The following RERE variants were observed in gnomAD, a reference collection of about 807,000 sequenced individuals.
RERE encodes arginine-glutamic acid dipeptide repeats, also known as arginine-glutamic acid dipeptide repeats protein.
A neutral mutation model predicts 146.1 loss-of-function variants in RERE; 40 were observed. The observed-to-expected ratio is 0.27, with a 90% confidence interval of 0.21 to 0.36. The LOEUF (loss-of-function observed/expected upper bound fraction) is 0.36. RERE is among the 10% of genes least tolerant of loss of function. The pLI is 1.00. For synonymous variants in RERE, 1,003 were observed against 866.0 expected (o/e 1.16, Z -2.78); for missense variants, 1,933 against 2,138.7 (o/e 0.90, Z 1.90).
At chr1:8,803,350 G>T (rs1641623839) in intron 1 of RERE, among the ~76,000 whole-genome samples, 1 of 151,836 alleles carries the variant, frequency 6.6e-6, no homozygotes, top group African/African-American at 2.4e-5. Flanking sequence ...TGCCTGTAAG[G>T]TCCCAGCTAC....
chr1:8,657,826 A>G (rs142147804), intron 1 of RERE, among the ~76,000 whole-genome samples: 2,314 of 152,310 alleles, frequency 0.015, 61 homozygotes, highest in African/African-American at 0.053. Context: ...CAGTCTGGGC[A>G]AAAGACTCCA....
chr1:8,646,176 C>G (rs1014789012), intron 2 of RERE, among the ~76,000 whole-genome samples: 2 of 151,844 alleles, frequency 1.3e-5, no homozygotes, highest in Non-Finnish European at 2.9e-5. Flanking sequence ...ATGAGTTTGT[C>G]CTTCCCAAAA....
At chr1:8,806,415 C>T (rs1178096926) in intron 1 of RERE, among the ~76,000 whole-genome samples, 4 of 151,960 alleles carry the variant, frequency 2.6e-5, no homozygotes, top group Non-Finnish European at 5.9e-5. Flanking sequence ...CCTGTAACCC[C>T]AGCTCCTTGG....
At chr1:8,385,519 G>C (rs1024333155) in intron 12 of RERE, among the ~76,000 whole-genome samples, 1 of 152,040 alleles carries the variant, frequency 6.6e-6, no homozygotes, top group Non-Finnish European at 1.5e-5. Flanking sequence ...TTAACACAAA[G>C]GAAATACAGG....
chr1:8,376,605 A>T (rs935312397), intron 12 of RERE, among the ~76,000 whole-genome samples: 1 of 152,234 alleles, frequency 6.6e-6, no homozygotes, highest in Admixed American at 6.5e-5. Context: ...CTTCTGATAC[A>T]GGAGAAGCCC....
intron 7 of RERE, 54 bp from the exon 8 acceptor site, chr1:8,508,729 A>G (rs978803567): frequency 1.9e-5 from 26 of 1,398,464 alleles, no homozygotes; most frequent in Non-Finnish European, 2.3e-5. Context: ...TGACATAAAC[A>G]TTCACACATT....
intron 1 of RERE, among the ~76,000 whole-genome samples, chr1:8,703,826 A>T (rs1639510120): frequency 6.6e-6 from 1 of 152,198 alleles, no homozygotes; most frequent in Non-Finnish European, 1.5e-5. Context: ...GACAAGCTAA[A>T]CATTTATTTC....
At chr1:8,559,304 A>AAAAAAAAAAAAAAAAAAAAAAAAC (rs754733974) in intron 4 of RERE, among the ~76,000 whole-genome samples, 1 of 130,098 alleles carries the variant, frequency 7.7e-6, no homozygotes, top group East Asian at 2.4e-4. Flanking sequence ...AAAAAAAAAA[A>AAAAAAAAAAAAAAAAAAAAAAAAC]CAGAACAAAA....
intron 1 of RERE, among the ~76,000 whole-genome samples, chr1:8,681,961 A>C (rs1207648806): frequency 1.3e-5 from 2 of 151,980 alleles, no homozygotes; most frequent in Non-Finnish European, 2.9e-5. Context: ...AGTACAATAA[A>C]CTCCACACCA....
intron 3 of RERE, among the ~76,000 whole-genome samples, chr1:8,616,989 TGGC>T (rs1646859990): frequency 6.6e-6 from 1 of 152,212 alleles, no homozygotes; most frequent in African/African-American, 2.4e-5. Context: ...TCCATAATTG[TGGC>T]GGGAGGGGAG....
At chr1:8,603,055 G>A (rs1001991809) in intron 4 of RERE, among the ~76,000 whole-genome samples, 2 of 152,228 alleles carry the variant, frequency 1.3e-5, no homozygotes, top group Non-Finnish European at 2.9e-5. Context: ...AGGCAGAAGC[G>A]AGAGATGACT....
intron 4 of RERE, among the ~76,000 whole-genome samples, chr1:8,561,333 T>C (rs1165677595): frequency 6.6e-6 from 1 of 152,124 alleles, no homozygotes; most frequent in African/African-American, 2.4e-5. Context: ...TTGAAACAAA[T>C]TTAAGTAGCT....
intron 10 of RERE, among the ~76,000 whole-genome samples, chr1:8,484,104 GA>G (rs1255547817): frequency 6.6e-6 from 1 of 152,170 alleles, no homozygotes; most frequent in African/African-American, 2.4e-5. Context: ...ATATATTCTA[GA>G]AAACCTTAGT....
rs567550570 is a variant in RERE, at chr1:8,356,089, G to A, written c.4486+11C>T. The A allele has an allele frequency of 2.0e-6, 3 of 1,490,134 alleles. No homozygotes were observed. The highest frequency in any genetic ancestry group is 2.7e-5 in the East Asian group (1 of 37,034). 92.3% of individuals were successfully genotyped at this position (1,490,134 alleles called of 1,614,324 possible). On this transcript the variant is annotated intron_variant, in intron 21 of 22. Transcript: ENST00000400908. The surrounding 1 kb of genome is among the most constrained non-coding windows in gnomAD (Gnocchi z 5.2). ...ACGGCCTCCCCGCCCCTCCTGGAGG[G>A]GAAGTCTTACCGAAAACTGGGTGGC... is the stretch of plus-strand genomic sequence containing the variant.
chr1:8,602,385 C>A (rs1646643876), intron 4 of RERE, among the ~76,000 whole-genome samples: 1 of 113,216 alleles, frequency 8.8e-6, no homozygotes. Flanking sequence ...AGTTAGACTC[C>A]ATCTCAAAAA....
At chr1:8,713,728 C>T (rs1639711943) in intron 1 of RERE, among the ~76,000 whole-genome samples, 1 of 151,896 alleles carries the variant, frequency 6.6e-6, no homozygotes, top group Admixed American at 6.6e-5. Flanking sequence ...GAGCAAAACT[C>T]CATCTCAAAA....
At chr1:8,712,752 A>AG (rs1291202493) in intron 1 of RERE, among the ~76,000 whole-genome samples, 1 of 152,118 alleles carries the variant, frequency 6.6e-6, no homozygotes, top group East Asian at 1.9e-4. Flanking sequence ...TTTATACTCA[A>AG]GGGCTTTAGA....
At chr1:8,661,539 C>A (rs1384697540) in intron 1 of RERE, among the ~76,000 whole-genome samples, 1 of 152,136 alleles carries the variant, frequency 6.6e-6, no homozygotes, top group African/African-American at 2.4e-5. Flanking sequence ...CACGATCACC[C>A]CGGGAAGACA....
intron 1 of RERE, among the ~76,000 whole-genome samples, chr1:8,776,754 T>C (rs1021624355): frequency 6.6e-4 from 101 of 152,302 alleles, no homozygotes; most frequent in African/African-American, 2.4e-3. Context: ...AGGGTGTCAC[T>C]GTCACCCAGG....
Sources: allele counts gnomAD v4.1 joint callset (sites outside exome capture counted in the v4.1 genomes callset), GRCh38; gene constraint gnomAD v4.1.1; non-coding constraint Gnocchi (gnomAD v3.1); transcripts MANE v1.5; gene names NCBI Gene and HGNC (gene_info 2026-07-23, HGNC 2026-07-21).